The following LRRC4C variants were observed in gnomAD, a reference collection of about 807,000 sequenced individuals.
LRRC4C encodes leucine rich repeat containing 4C.
A neutral mutation model predicts 33.6 loss-of-function variants in LRRC4C; 5 were observed. That is an observed-to-expected ratio of 0.15 (90% CI 0.08 to 0.31). LRRC4C has a LOEUF of 0.31. Among genes scored for constraint, LRRC4C ranks in the 10% least tolerant of loss-of-function variants. LRRC4C has a pLI of 1.00. For synonymous variants in LRRC4C, 329 were observed against 302.0 expected (o/e 1.09, Z -0.93); for missense variants, 560 against 796.7 (o/e 0.70, Z 3.58).
At chr11:41,135,355 G>A (rs1329592144) in intron 1 of LRRC4C, among the ~76,000 whole-genome samples, 1 of 151,924 alleles carries the variant, frequency 6.6e-6, no homozygotes, top group Non-Finnish European at 1.5e-5. Context: ...GCTAGGGAAG[G>A]AGAGAGAGAG....
At chr11:40,858,801 C>G (rs1953934056) in intron 2 of LRRC4C, among the ~76,000 whole-genome samples, 2 of 151,152 alleles carry the variant, frequency 1.3e-5, no homozygotes, top group African/African-American at 4.9e-5. Context: ...ATGTGTCAAA[C>G]CGAAAGCCTT....
intron 2 of LRRC4C, among the ~76,000 whole-genome samples, chr11:40,671,028 G>T (rs1322918924): frequency 6.6e-6 from 1 of 152,218 alleles, no homozygotes; most frequent in African/African-American, 2.4e-5. Context: ...CTCCCAAGGT[G>T]CTGGGATTAC....
At chr11:41,334,517 G>A (rs188156522) in intron 1 of LRRC4C, among the ~76,000 whole-genome samples, 74 of 152,020 alleles carry the variant, frequency 4.9e-4, no homozygotes, top group Middle Eastern at 3.4e-3. Flanking sequence ...CTTATTGGGG[G>A]CAATTATAAC....
intron 1 of LRRC4C, among the ~76,000 whole-genome samples, chr11:41,304,300 A>G (rs1439873526): frequency 2.0e-5 from 2 of 99,612 alleles, no homozygotes; most frequent in African/African-American, 3.9e-5. Flanking sequence ...CCTACTGGGA[A>G]GTGAGGAGCC....
At chr11:41,154,430 G>A (rs562391635) in intron 1 of LRRC4C, among the ~76,000 whole-genome samples, 14 of 151,566 alleles carry the variant, frequency 9.2e-5, no homozygotes, top group Non-Finnish European at 1.5e-4. Flanking sequence ...CATTGCTTAC[G>A]GAAAAGACCA....
chr11:40,335,790 A>G (rs1946570038), intron 3 of LRRC4C, among the ~76,000 whole-genome samples: 1 of 152,222 alleles, frequency 6.6e-6, no homozygotes, highest in Non-Finnish European at 1.5e-5. Flanking sequence ...CCATGTCTAG[A>G]GTACACTGTG....
chr11:41,334,427 T>G (rs1951387553), intron 1 of LRRC4C, among the ~76,000 whole-genome samples: 1 of 152,190 alleles, frequency 6.6e-6, no homozygotes, highest in Non-Finnish European at 1.5e-5. Flanking sequence ...TTTCAAACGC[T>G]GGGCACATCC....
intron 2 of LRRC4C, among the ~76,000 whole-genome samples, chr11:40,757,533 G>C (rs1949012214): frequency 6.7e-6 from 1 of 150,242 alleles, no homozygotes; most frequent in Non-Finnish European, 1.5e-5. Flanking sequence ...TTGTGTTTTG[G>C]CTAGTTATTT....
At chr11:40,969,883 C>A (rs1396284024) in intron 1 of LRRC4C, among the ~76,000 whole-genome samples, 1 of 152,128 alleles carries the variant, frequency 6.6e-6, no homozygotes, top group Non-Finnish European at 1.5e-5. Flanking sequence ...ACATTATCCC[C>A]TTCAGTTTGC....
chr11:41,103,853 G>C lies in LRRC4C; in HGVS notation c.-495-170130C>G, dbSNP rs558583141. On this transcript the variant is annotated intron_variant, in intron 1 of 6. Coordinates refer to ENST00000528697, the MANE Select transcript of LRRC4C (RefSeq NM_001258419.2). The stretch of plus-strand genomic sequence containing the variant: ...ACATTTATGGTCAACTGATTTTTGA[G>C]AAAGGTGCTAAGGCAATTTAATAGT... Among the ~76,000 whole-genome samples the C allele has an allele frequency of 1.1e-4, 16 of 152,098 alleles. No homozygotes were observed. The South Asian group carries it at 3.3e-3, about 32-fold the overall frequency.
intron 3 of LRRC4C, among the ~76,000 whole-genome samples, chr11:40,384,130 T>G (rs1234982327): frequency 6.6e-6 from 1 of 152,008 alleles, no homozygotes; most frequent in East Asian, 1.9e-4. Context: ...CTTTTGCTTT[T>G]GTTGCATGTT....
intron 3 of LRRC4C, among the ~76,000 whole-genome samples, chr11:40,597,219 T>C (rs544218194): frequency 6.6e-6 from 1 of 152,242 alleles, no homozygotes; most frequent in African/African-American, 2.4e-5. Context: ...GCATTTTACG[T>C]ATTTGTGCTC....
intron 2 of LRRC4C, among the ~76,000 whole-genome samples, chr11:40,928,685 AC>A: frequency 1.3e-5 from 2 of 152,314 alleles, no homozygotes; most frequent in East Asian, 3.9e-4. Context: ...TTATTAAATT[AC>A]TAAAATCATT....
chr11:40,545,905 A>G (rs1367385781), intron 3 of LRRC4C, among the ~76,000 whole-genome samples: 1 of 152,068 alleles, frequency 6.6e-6, no homozygotes, highest in Non-Finnish European at 1.5e-5. Flanking sequence ...GTTCATCTGT[A>G]CAGACACATT....
chr11:40,520,819 G>A (rs1387029775), intron 3 of LRRC4C, among the ~76,000 whole-genome samples: 2 of 151,984 alleles, frequency 1.3e-5, no homozygotes, highest in Non-Finnish European at 2.9e-5. Context: ...AATAAAATGA[G>A]GTATGCCTGT....
chr11:40,176,453 G>C (rs1022480974), intron 5 of LRRC4C, among the ~76,000 whole-genome samples: 4 of 151,772 alleles, frequency 2.6e-5, no homozygotes, highest in African/African-American at 9.7e-5. Flanking sequence ...AGAGATAAAG[G>C]GAGCCATGCA....
chr11:40,487,977 T>A (rs866328137), intron 3 of LRRC4C, among the ~76,000 whole-genome samples: 6 of 152,222 alleles, frequency 3.9e-5, no homozygotes, highest in Admixed American at 2.6e-4. Flanking sequence ...ATTATCAACA[T>A]CCACATTAAG....
At chr11:40,686,046 A>C (rs759901373) in intron 2 of LRRC4C, among the ~76,000 whole-genome samples, 4 of 151,964 alleles carry the variant, frequency 2.6e-5, no homozygotes, top group Admixed American at 2.6e-4. Flanking sequence ...GCCCCACAGC[A>C]CTTTTTTCAA....
chr11:40,168,079 CA>C (rs1179631027), intron 5 of LRRC4C, among the ~76,000 whole-genome samples: 5 of 151,712 alleles, frequency 3.3e-5, no homozygotes, highest in African/African-American at 7.3e-5. Flanking sequence ...CAAAACAAAA[CA>C]AAAAAACTAT....
Sources: allele counts gnomAD v4.1 joint callset (sites outside exome capture counted in the v4.1 genomes callset), GRCh38; gene constraint gnomAD v4.1.1; transcripts MANE v1.5; gene names NCBI Gene and HGNC (gene_info 2026-07-23, HGNC 2026-07-21).